The following CSAD variants were observed in gnomAD, a reference collection of about 807,000 sequenced individuals.
CSAD encodes cysteine sulfinic acid decarboxylase.
Under a neutral mutation model 61.5 loss-of-function variants are expected in CSAD, and 47 were observed. The observed-to-expected ratio is 0.76, with a 90% confidence interval of 0.60 to 0.97. The LOEUF (loss-of-function observed/expected upper bound fraction) is 0.97, where lower values mean the gene tolerates loss of function less well. CSAD is among the 50% of genes least tolerant of loss of function. The pLI, the probability that CSAD is intolerant of heterozygous loss-of-function variation, is 0.00. For missense variants in CSAD, 611 were observed against 643.6 expected, an observed-to-expected ratio of 0.95 and a Z score of 0.55; for synonymous variants, 245 against 252.7, an observed-to-expected ratio of 0.97 and a Z score of 0.29.
intron 10 of CSAD, among the ~76,000 whole-genome samples, chr12:53,162,860 G>A (rs934380349): frequency 2.4e-4 from 36 of 151,928 alleles, no homozygotes; most frequent in Non-Finnish European, 3.1e-4. Flanking sequence ...TCCAGAGTTC[G>A]AGACTAGCCT....
chr12:53,162,868 C>A (rs953470111), intron 10 of CSAD, among the ~76,000 whole-genome samples: 3 of 151,990 alleles, frequency 2.0e-5, no homozygotes, highest in African/African-American at 7.3e-5. Flanking sequence ...TCGAGACTAG[C>A]CTGACCAACA....
At chr12:53,164,409 G>T (rs575093939) in intron 10 of CSAD, 3 of 231,016 alleles carry the variant, frequency 1.3e-5, no homozygotes, top group Admixed American at 8.6e-5. Flanking sequence ...CCATAAAAAA[G>T]AATGAAATCA....
intron 10 of CSAD, among the ~76,000 whole-genome samples, chr12:53,169,800 G>A (rs1321865529): frequency 5.3e-5 from 8 of 151,874 alleles, no homozygotes; most frequent in Non-Finnish European, 8.8e-5. Flanking sequence ...ACACTACAGC[G>A]CAGGCCCCCA....
intron 10 of CSAD, among the ~76,000 whole-genome samples, chr12:53,165,270 G>A (rs1396306392): frequency 1.3e-5 from 2 of 152,104 alleles, no homozygotes; most frequent in Non-Finnish European, 2.9e-5. Flanking sequence ...GAGCCCAGGA[G>A]GTCGAGGCTG....
In CSAD at chr12:53,170,450, C is replaced by T. The variant is rs758520729; in HGVS notation, c.620G>A (p.Ser207Asn). 1 of 1,614,198 alleles carries T rather than the reference C, an allele frequency of 6.2e-7. No homozygotes were observed. The highest frequency in any genetic ancestry group is 8.5e-7 in the Non-Finnish European group (1 of 1,180,040). ...GAAFLGLGTD[S>N]VRVVKADERG... is the part of the protein sequence containing the mutation. ...CTCATCAGCCTTGACCACTCGGACA[C>T]TGTCGGTGCCAAGTCCCAGAAACGC... Residue 207 changes from serine to asparagine, a missense_variant, in exon 9 of 17, where the codon AGT becomes AAT. Coordinates refer to ENST00000444623, the MANE Select transcript of CSAD (RefSeq NM_001244705.2).
At chr12:53,173,834 T>C in intron 2 of CSAD, 64 bp from the exon 3 acceptor site, 1 of 1,537,030 alleles carries the variant, frequency 6.5e-7, no homozygotes, top group Non-Finnish European at 8.9e-7. Context: ...TAAGTGTTTT[T>C]TTCATAAATT....
chr12:53,173,711 G>C lies in CSAD; in HGVS notation c.-7+17C>G, dbSNP rs2121514543. ...GACTCTAGTGGCCATTTCCACCTAA[G>C]GCAGAGACAAGCTTACCTCTCTGCT... is the stretch of plus-strand genomic sequence containing the variant. On this transcript the variant is annotated intron_variant, in intron 3 of 16. Transcript: ENST00000444623. 1 of 1,584,244 alleles carries C rather than the reference G, an allele frequency of 6.3e-7. No homozygotes were observed. Among genetic ancestry groups the C allele is most frequent in the South Asian group, 1.1e-5 (1 of 90,126 alleles).
In CSAD at chr12:53,160,113, C is replaced by T. The variant is rs776189511; in HGVS notation, c.1166+7G>A. The T allele has an allele frequency of 9.9e-6, 16 of 1,612,678 alleles. No individual in the cohort carries two copies. In the Middle Eastern group the frequency reaches 5.1e-4, roughly 51 times the overall value. The stretch of plus-strand genomic sequence containing the variant: ...ACAGGGACGACCCCCCACCTCCTCC[C>T]GCCTACCGGGCAAGGACAAAGGCCT... On this transcript the variant is annotated splice_region_variant and intron_variant, in intron 14 of 16. Transcript: ENST00000444623.
Position 53,161,134 on chromosome 12 carries a change from T to C in CSAD, c.877A>G (p.Ile293Val). ...GAAGGGGACTGTATGCACCTCTGGA[T>C]CCCATCCAGGAGATGCCTGTGTGTC... The part of the protein sequence containing the change: ...SQTHRHLLDG[I>V]QRADSVAWNP... The change falls in exon 12 of 17, where the codon ATC becomes GTC. Residue 293 changes from isoleucine (I) to valine (V), a missense_variant. Physicochemically the swap from Ile to Val is conservative, Grantham distance 29. Transcript: ENST00000444623. The C allele has an allele frequency of 6.2e-7, 1 of 1,614,024 alleles. No homozygotes were observed. The highest frequency in any genetic ancestry group is 8.5e-7 in the Non-Finnish European group (1 of 1,179,916).
chr12:53,179,529 T>C (rs1941390840), intron 1 of CSAD: 3 of 490,812 alleles, frequency 6.1e-6, no homozygotes, highest in Admixed American at 3.8e-5. Flanking sequence ...CAAAAAAGAT[T>C]TAAAAGACTT....
rs1458982733 is a variant in CSAD, at chr12:53,158,400, T to A, written c.*111A>T. The A allele has an allele frequency of 8.7e-7, 1 of 1,152,444 alleles. No individual in the cohort carries two copies. Among genetic ancestry groups the A allele is most frequent in the African/African-American group, 1.6e-5 (1 of 63,818 alleles). 71.4% of individuals were successfully genotyped at this position (1,152,444 alleles called of 1,614,324 possible). On this transcript the variant is annotated 3_prime_UTR_variant, in exon 17 of 17. Coordinates refer to ENST00000444623, the MANE Select transcript of CSAD (RefSeq NM_001244705.2). Reference sequence around the variant, plus strand: ...ATCCACCCGCCTCGGCCTCCCAAAGTGCTGGGATTACAGGCGTGAGCCACT... The same window carrying A: ...ATCCACCCGCCTCGGCCTCCCAAAGAGCTGGGATTACAGGCGTGAGCCACT...
intron 12 of CSAD, 135 bp from the exon 13 acceptor site, chr12:53,160,979 G>C: frequency 8.8e-7 from 1 of 1,130,310 alleles, no homozygotes; most frequent in Non-Finnish European, 1.3e-6. Context: ...GAACTGCCAT[G>C]TCTGACCTCC....
At chr12:53,165,679 AAAGAAG>A (rs1360676551) in intron 10 of CSAD, among the ~76,000 whole-genome samples, 2 of 151,582 alleles carry the variant, frequency 1.3e-5, no homozygotes, top group Non-Finnish European at 2.9e-5. Context: ...AAAAAAAAAA[AAAGAAG>A]AAGAAGAAAA....
At chr12:53,176,421 A>C (rs1471568606) in intron 2 of CSAD, among the ~76,000 whole-genome samples, 1 of 151,218 alleles carries the variant, frequency 6.6e-6, no homozygotes, top group Non-Finnish European at 1.5e-5. Context: ...AAAAAAAAAA[A>C]CAAGAATACC....
upstream of CSAD, chr12:53,181,017 C>G: frequency 1.2e-6 from 1 of 858,296 alleles, no homozygotes; most frequent in East Asian, 1.3e-4. Flanking sequence ...CGCCCCCTGC[C>G]CGCGCGTCCC....
chr12:53,160,772 C>T lies in CSAD; in HGVS notation c.957G>A (p.Gln319=). Residue 319 remains glutamine (Q), a synonymous_variant, in exon 13 of 17, where the codon CAG becomes CAA. Coordinates refer to ENST00000444623, the MANE Select transcript of CSAD (RefSeq NM_001244705.2). ...AGLQCSALLL[Q]DTSNLLKRCH... Reference sequence around the variant, plus strand: ...GCAGGGGCAGACCCACCGAGGTATCCTGGAGAAGAAGTGCAGAGCATTGCA... The same window carrying T: ...GCAGGGGCAGACCCACCGAGGTATCTTGGAGAAGAAGTGCAGAGCATTGCA... 6.4e-7 allele frequency: 1 copy of T among 1,551,668 alleles called. No homozygotes were observed. The highest frequency in any genetic ancestry group is 1.2e-5 in the South Asian group (1 of 84,062).
rs756102286 is a variant in CSAD at position 53,173,383 on chromosome 12, C to T, written c.88G>A (p.Asp30Asn). The T allele has an allele frequency of 1.7e-5, 28 of 1,614,204 alleles. No homozygotes were observed. In the South Asian group the frequency reaches 3.1e-4, roughly 18 times the overall value. The change falls in exon 4 of 17, where the codon GAT becomes AAT. Residue 30 changes from aspartate to asparagine, a missense_variant. Asp to Asn is a conservative substitution (Grantham distance 23, BLOSUM62 1). Transcript: ENST00000444623. ...LLRAVFGVVVDEAIQKGTSVS... is the reference protein window; with the variant it reads ...LLRAVFGVVVNEAIQKGTSVS... ...CTGGTTCCTTTCTGAATGGCCTCAT[C>T]CACAACAACCCCAAACACGGCCCGG...
chr12:53,178,346 T>G (rs10876417), intron 2 of CSAD: 33,274 of 454,726 alleles, frequency 0.073, 1,546 homozygotes, highest in East Asian at 0.17. Flanking sequence ...TACAAAATTA[T>G]CCAGGCACAG....
chr12:53,160,353 C>T, intron 13 of CSAD, 34 bp from the exon 14 acceptor site: 1 of 1,603,050 alleles, frequency 6.2e-7, no homozygotes, highest in Non-Finnish European at 8.5e-7. Context: ...CAGACCCTAC[C>T]CTCTCCACCG....
Sources: allele counts gnomAD v4.1 joint callset (sites outside exome capture counted in the v4.1 genomes callset), GRCh38; gene constraint gnomAD v4.1.1; transcripts MANE v1.5; gene names NCBI Gene and HGNC (gene_info 2026-07-23, HGNC 2026-07-21).